DCC: variants seen among roughly 807,000 people sequenced by gnomAD.
DCC encodes the protein netrin receptor DCC.
Under a neutral mutation model 172.5 loss-of-function variants are expected in DCC, and 58 were observed. That is an observed-to-expected ratio of 0.34 (90% confidence interval 0.27 to 0.42). DCC has a LOEUF of 0.42. Ranked by LOEUF, DCC falls within the 10% of genes least tolerant of loss-of-function variation. DCC has a pLI of 1.00. For synonymous variants in DCC, 709 were observed against 644.5 expected (o/e 1.10, Z -1.52); for missense variants, 1,740 against 1,791.0 (o/e 0.97, Z 0.51).
At chr18:52,878,052 G>C (rs1437403971) in intron 2 of DCC, among the ~76,000 whole-genome samples, 1 of 151,818 alleles carries the variant, frequency 6.6e-6, no homozygotes. Flanking sequence ...ATCTTTCACT[G>C]GCTTCCTCCT....
At chr18:53,162,209 G>A (rs1004874218) in intron 8 of DCC, among the ~76,000 whole-genome samples, 1 of 149,960 alleles carries the variant, frequency 6.7e-6, no homozygotes, top group African/African-American at 2.4e-5. Context: ...TGAGGCAGGG[G>A]AATTGCGTGA....
At chr18:52,996,363 T>C (rs2041478439) in intron 5 of DCC, among the ~76,000 whole-genome samples, 2 of 152,076 alleles carry the variant, frequency 1.3e-5, no homozygotes, top group African/African-American at 4.8e-5. Flanking sequence ...TTTTGAGGCC[T>C]TCTATTTTGG....
chr18:52,680,004 CT>C (rs2035717450), intron 1 of DCC, among the ~76,000 whole-genome samples: 1 of 151,778 alleles, frequency 6.6e-6, no homozygotes, highest in Non-Finnish European at 1.5e-5. Flanking sequence ...AGAAAAAAAA[CT>C]ACTCTTCAAA....
intron 1 of DCC, among the ~76,000 whole-genome samples, chr18:52,432,540 AAAAC>A (rs905126961): frequency 1.1e-4 from 17 of 152,188 alleles, no homozygotes; most frequent in African/African-American, 3.4e-4. Context: ...TTATTAAAGA[AAAAC>A]AAATAATATC....
intron 22 of DCC, among the ~76,000 whole-genome samples, chr18:53,437,012 A>G: frequency 6.6e-6 from 1 of 152,114 alleles, no homozygotes; most frequent in African/African-American, 2.4e-5. Flanking sequence ...CACTCTCATG[A>G]CCTAATTATC....
chr18:53,331,369 C>T (rs551942482), intron 14 of DCC, among the ~76,000 whole-genome samples: 35 of 152,116 alleles, frequency 2.3e-4, no homozygotes, highest in Non-Finnish European at 3.4e-4. Flanking sequence ...ATAAGGTTTA[C>T]GGTTTGAATG....
intron 3 of DCC, among the ~76,000 whole-genome samples, chr18:52,917,305 C>A (rs572421221): frequency 5.3e-5 from 8 of 151,788 alleles, no homozygotes; most frequent in Non-Finnish European, 7.4e-5. Flanking sequence ...GGCAACAGAG[C>A]GAGACAGACT....
At chr18:53,488,646 A>C (rs747750728) in intron 26 of DCC, among the ~76,000 whole-genome samples, 2 of 152,144 alleles carry the variant, frequency 1.3e-5, no homozygotes, top group Non-Finnish European at 2.9e-5. Flanking sequence ...TCATGGGGAA[A>C]ATGATTCCAA....
intron 1 of DCC, among the ~76,000 whole-genome samples, chr18:52,669,205 G>A (rs72929143): frequency 6.6e-6 from 1 of 152,080 alleles, no homozygotes; most frequent in African/African-American, 2.4e-5. Flanking sequence ...GATTAGATGA[G>A]CCAGTTTATC....
chr18:53,019,643 G>C (rs927891287), intron 5 of DCC, among the ~76,000 whole-genome samples: 14 of 152,126 alleles, frequency 9.2e-5, no homozygotes, highest in African/African-American at 3.1e-4. Context: ...ATTATCTTTT[G>C]CTGTGATATA....
rs1028244833 is a variant in DCC at position 52,406,000 on chromosome 18, C to A, written c.91+65122C>A. On this transcript the variant is annotated intron_variant, in intron 1 of 28. Transcript: ENST00000442544. Reference sequence around the variant, plus strand: ...TATAGATCAATGGAACAGAACAGAGCCCTCAGAAATAACGCCGCATATCTA... The same window carrying A: ...TATAGATCAATGGAACAGAACAGAGACCTCAGAAATAACGCCGCATATCTA... Among the ~76,000 whole-genome samples, 31 of 150,054 alleles carry A rather than the reference C, an allele frequency of 2.1e-4. 1 individual carries two copies. The highest frequency in any genetic ancestry group is 4.0e-4 in the Admixed American group (6 of 15,034).
chr18:53,341,837 C>G (rs1307703889), intron 15 of DCC, among the ~76,000 whole-genome samples: 1 of 152,012 alleles, frequency 6.6e-6, no homozygotes, highest in African/African-American at 2.4e-5. Flanking sequence ...TTTATTTATT[C>G]TATTGAGCAT....
In DCC at chr18:52,736,605, G is replaced by A. The variant is rs552909159; in HGVS notation, c.92-15449G>A. Among the ~76,000 whole-genome samples the A allele has an allele frequency of 5.9e-4, 90 of 152,236 alleles. 2 individuals are homozygous for A. In the South Asian group the frequency reaches 0.018, roughly 30 times the overall value. On this transcript the variant is annotated intron_variant, in intron 1 of 28. Transcript: ENST00000442544. ...ACTTACTTGATTACATTAAAAGACAGTAATAGGGTTGGCTAATATTATTTA... is the reference window on the plus strand; with the variant it reads ...ACTTACTTGATTACATTAAAAGACAATAATAGGGTTGGCTAATATTATTTA...
Position 52,491,469 on chromosome 18 carries a change from G to C in DCC, c.91+150591G>C, listed in dbSNP as rs548128280. On this transcript the variant is annotated intron_variant, in intron 1 of 28. Coordinates refer to ENST00000442544, the MANE Select transcript of DCC (RefSeq NM_005215.4). ...AGATAGGGAGAAGAGCATGTGAAAA[G>C]TGTGAGTGATTGGCAAGGTCAGTAT... Among the ~76,000 whole-genome samples, 4 of 152,196 alleles carry C rather than the reference G, an allele frequency of 2.6e-5. No individual in the cohort carries two copies. The South Asian group carries it at 8.3e-4, about 32-fold the overall frequency.
intron 1 of DCC, among the ~76,000 whole-genome samples, chr18:52,490,324 AGC>A (rs1336674972): frequency 6.6e-6 from 1 of 152,152 alleles, no homozygotes; most frequent in Non-Finnish European, 1.5e-5. Context: ...AAGAAACAAT[AGC>A]CAGAAAGCAG....
intron 1 of DCC, among the ~76,000 whole-genome samples, chr18:52,541,110 A>AT (rs2032433174): frequency 6.6e-6 from 1 of 152,214 alleles, no homozygotes; most frequent in South Asian, 2.1e-4. Flanking sequence ...ACAGCTGAGA[A>AT]TAAGATGGCT....
At chr18:52,361,030 T>G (rs1984595208) in intron 1 of DCC, among the ~76,000 whole-genome samples, 1 of 152,204 alleles carries the variant, frequency 6.6e-6, no homozygotes, top group African/African-American at 2.4e-5. Flanking sequence ...GTTGCCTAAT[T>G]TGTCTCACAT....
In DCC at chr18:52,992,001, G is replaced by A. The variant is rs569664522; in HGVS notation, c.985+66631G>A. On this transcript the variant is annotated intron_variant, in intron 5 of 28. Coordinates refer to ENST00000442544, the MANE Select transcript of DCC (RefSeq NM_005215.4). ...TGTGAAAATTAGCATTTGCACTTGC[G>A]CAGCTCTCACAATTTAAGCAATTTT... Among the ~76,000 whole-genome samples, 19 of 152,284 alleles carry A rather than the reference G, an allele frequency of 1.2e-4. 1 individual carries two copies. Among genetic ancestry groups the A allele is most frequent in the Middle Eastern group, 3.4e-3 (1 of 294 alleles).
At chr18:52,958,978 G>A in intron 5 of DCC, among the ~76,000 whole-genome samples, 1 of 152,064 alleles carries the variant, frequency 6.6e-6, no homozygotes, top group Non-Finnish European at 1.5e-5. Context: ...GAAATTTTTT[G>A]TAATTTTGTT....
Sources: allele counts gnomAD v4.1 joint callset (sites outside exome capture counted in the v4.1 genomes callset), GRCh38; gene constraint gnomAD v4.1.1; transcripts MANE v1.5; gene names NCBI Gene and HGNC (gene_info 2026-07-23, HGNC 2026-07-21).